The following KATNIP variants were observed in gnomAD, a reference collection of about 807,000 sequenced individuals.
KATNIP encodes katanin-interacting protein.
In KATNIP, 126 loss-of-function variants were observed where a neutral mutation model predicts 174.0. That is an observed-to-expected ratio of 0.72 (90% CI 0.63 to 0.84). The LOEUF (loss-of-function observed/expected upper bound fraction) is 0.84. KATNIP is among the 40% of genes least tolerant of loss of function. The probability of loss-of-function intolerance (pLI) is 0.00; values close to 1 mark genes in which losing one functional copy is unlikely to be tolerated. For synonymous variants in KATNIP, 810 were observed against 835.7 expected (o/e 0.97, Z 0.53); for missense variants, 1,958 against 2,109.7 (o/e 0.93, Z 1.41).
At chr16:27,591,211 A>T (rs1214527561) in intron 2 of KATNIP, among the ~76,000 whole-genome samples, 2 of 149,760 alleles carry the variant, frequency 1.3e-5, no homozygotes, top group Admixed American at 1.3e-4. Flanking sequence ...TTTGAGACGG[A>T]GTCTCGCTCT....
intron 3 of KATNIP, among the ~76,000 whole-genome samples, chr16:27,624,366 C>T (rs1395957862): frequency 3.3e-5 from 5 of 152,216 alleles, no homozygotes; most frequent in Non-Finnish European, 7.3e-5. Context: ...CACTCCTTCA[C>T]TTCCTCATCT....
chr16:27,643,501 G>T (rs1245937144), intron 5 of KATNIP: 2 of 132,008 alleles, frequency 1.5e-5, no homozygotes, highest in Non-Finnish European at 3.1e-5. Flanking sequence ...TGAGGCAGGA[G>T]AATTGCTTGA....
chr16:27,701,119 G>A (rs979554799), intron 10 of KATNIP, among the ~76,000 whole-genome samples: 1 of 152,158 alleles, frequency 6.6e-6, no homozygotes. Flanking sequence ...TTTGTACAAA[G>A]CAGAACAGGG....
At chr16:27,775,802 A>G (rs1025905443) in intron 24 of KATNIP, among the ~76,000 whole-genome samples, 1 of 152,126 alleles carries the variant, frequency 6.6e-6, no homozygotes, top group African/African-American at 2.4e-5. Flanking sequence ...ATGCCATGGG[A>G]CTGAGTGGGG....
At chr16:27,766,602 A>T (rs1282916086) in intron 20 of KATNIP, 128 bp downstream of exon 20, 4 of 921,224 alleles carry the variant, frequency 4.3e-6, no homozygotes, top group Non-Finnish European at 6.5e-6. Flanking sequence ...TGGGGGCGTT[A>T]TGTCCAGGGA....
At chr16:27,613,372 C>G (rs931836199) in intron 2 of KATNIP, among the ~76,000 whole-genome samples, 1 of 152,172 alleles carries the variant, frequency 6.6e-6, no homozygotes, top group Non-Finnish European at 1.5e-5. Flanking sequence ...TTCAGTTTCT[C>G]GAGTCTTTCT....
At chr16:27,618,165 G>A (rs181497764) in intron 2 of KATNIP, among the ~76,000 whole-genome samples, 38 of 152,326 alleles carry the variant, frequency 2.5e-4, no homozygotes, top group African/African-American at 8.9e-4. Flanking sequence ...GAGGGCATGG[G>A]AGGAACGAAC....
chr16:27,627,531 A>G (rs1428555826), intron 3 of KATNIP, among the ~76,000 whole-genome samples: 1 of 152,202 alleles, frequency 6.6e-6, no homozygotes, highest in Non-Finnish European at 1.5e-5. Flanking sequence ...AATGTGAACA[A>G]AGACTCACAG....
At chr16:27,572,281 A>C (rs1187323472) in intron 1 of KATNIP, among the ~76,000 whole-genome samples, 2 of 151,080 alleles carry the variant, frequency 1.3e-5, no homozygotes, top group Non-Finnish European at 2.9e-5. Context: ...TTTAAAGAAC[A>C]CCCTGTATTA....
At position 27,775,071 on chromosome 16, in the gene KATNIP, T is replaced by C. The variant is rs2082447271; in HGVS notation, c.4436T>C (p.Ile1479Thr). 6.2e-7 allele frequency: 1 copy of C among 1,611,790 alleles called. No individual in the cohort carries two copies. The highest frequency in any genetic ancestry group is 8.5e-7 in the Non-Finnish European group (1 of 1,179,436). Residue 1479 changes from isoleucine (I) to threonine (T), a missense_variant, in exon 24 of 28, where the codon ATC (isoleucine) becomes ACC (threonine). Ile to Thr is a moderately conservative substitution (Grantham distance 89, BLOSUM62 -1). Transcript: ENST00000261588. ...GGCCGGCACATGTGGCTGGCTCCCA[T>C]CCTGCCGGGCCTGGTGGGTTCCCGG... The part of the protein sequence containing the change: ...SDGRHMWLAP[I>T]LPGLVNRVYV...
chr16:27,647,103 AG>A (rs2076979651), intron 5 of KATNIP, among the ~76,000 whole-genome samples: 1 of 151,878 alleles, frequency 6.6e-6, no homozygotes, highest in Non-Finnish European at 1.5e-5. Flanking sequence ...CTGGAACTAC[AG>A]GCAGTAGAAG....
chr16:27,654,508 G>A (rs1041095686), intron 6 of KATNIP: 11 of 1,036,218 alleles, frequency 1.1e-5, no homozygotes, highest in Non-Finnish European at 1.3e-5. Flanking sequence ...ATGAGGAGAA[G>A]ATGGGAGGCA....
In KATNIP at chr16:27,750,179, C is replaced by G; in HGVS notation, c.3219C>G (p.Ile1073Met). The change falls in exon 16 of 28, where the codon ATC becomes ATG. Residue 1073 changes from isoleucine to methionine, a missense_variant. By Grantham distance (10) the Ile-to-Met change is conservative. Coordinates refer to ENST00000261588, the MANE Select transcript of KATNIP (RefSeq NM_015202.5). The part of the protein sequence containing the change: ...DFTHPCHVAL[I>M]RIWNYNKSRI... ...CGCACCCTTGCCACGTTGCCCTGAT[C>G]AGAATTTGGAACTACAATAAATCTC... is the stretch of plus-strand genomic sequence containing the variant. 6.2e-7 allele frequency: 1 copy of G among 1,614,120 alleles called. No individual in the cohort carries two copies. The highest frequency in any genetic ancestry group is 1.1e-5 in the South Asian group (1 of 91,066).
At chr16:27,629,000 T>G (rs1464092050) in intron 4 of KATNIP, among the ~76,000 whole-genome samples, 170 bp downstream of exon 4, 2 of 151,938 alleles carry the variant, frequency 1.3e-5, no homozygotes, top group Non-Finnish European at 2.9e-5. Flanking sequence ...AAACCCTATC[T>G]CTACTAAAAA....
intron 6 of KATNIP, among the ~76,000 whole-genome samples, chr16:27,676,687 A>ATGTG (rs142495413): frequency 6.7e-5 from 10 of 149,318 alleles, no homozygotes; most frequent in South Asian, 6.3e-4. Flanking sequence ...ATATGTGTGC[A>ATGTG]TGTGTGTGTG....
chr16:27,600,989 TC>T (rs2075506027), intron 2 of KATNIP, among the ~76,000 whole-genome samples: 1 of 152,136 alleles, frequency 6.6e-6, no homozygotes, highest in African/African-American at 2.4e-5. Flanking sequence ...CGCCTCAGCC[TC>T]CCAAAGTGCT....
At chr16:27,775,679 G>A (rs1450953143) in intron 24 of KATNIP, among the ~76,000 whole-genome samples, 1 of 152,304 alleles carries the variant, frequency 6.6e-6, no homozygotes, top group East Asian at 1.9e-4. Flanking sequence ...AGGGGAGAGG[G>A]CATGGACGGG....
intron 20 of KATNIP, among the ~76,000 whole-genome samples, chr16:27,768,507 A>G (rs912553765): frequency 6.6e-6 from 1 of 152,154 alleles, no homozygotes; most frequent in Admixed American, 6.5e-5. Flanking sequence ...ACACTCTGGC[A>G]GCTCCAGGCT....
chr16:27,775,652 G>A (rs2082469208), intron 24 of KATNIP, among the ~76,000 whole-genome samples: 1 of 152,222 alleles, frequency 6.6e-6, no homozygotes, highest in Non-Finnish European at 1.5e-5. Flanking sequence ...AGACGTGGTT[G>A]GTTGTGGTGG....
Sources: gnomAD v4.1 joint callset for allele counts (sites outside exome capture counted in the v4.1 genomes callset) on GRCh38, gnomAD v4.1.1 for gene constraint, MANE v1.5 for transcripts, NCBI Gene and HGNC (gene_info 2026-07-23, HGNC 2026-07-21) for gene names.